The following VSTM1 variants were observed in gnomAD, a reference collection of about 807,000 sequenced individuals.
The protein encoded by VSTM1 is V-set and transmembrane domain containing 1.
VSTM1 carries 27 observed loss-of-function variants against 33.1 expected under a neutral mutation model. That is an observed-to-expected ratio of 0.82 (90% CI 0.60 to 1.12). VSTM1 has a LOEUF of 1.12. Among genes scored for constraint, VSTM1 ranks in the 50% most tolerant of loss-of-function variants. The pLI is 0.00. For synonymous variants in VSTM1, 115 were observed against 110.3 expected, an observed-to-expected ratio of 1.04 and a Z score of -0.27; for missense variants, 304 against 288.9, an observed-to-expected ratio of 1.05 and a Z score of -0.38.
intron 1 of VSTM1, among the ~76,000 whole-genome samples, chr19:54,061,016 C>CTTTTTTTTTTTTT (rs10693760): frequency 3.2e-4 from 37 of 115,014 alleles, no homozygotes; most frequent in Non-Finnish European, 5.7e-4. Flanking sequence ...TTTTTCTTTT[C>CTTTTTTTTTTTTT]TTTTTTTTTT....
chr19:54,051,589 T>C, intron 3 of VSTM1, 141 bp from the exon 4 acceptor site: 1 of 596,898 alleles, frequency 1.7e-6, no homozygotes. Context: ...CCCTAGATGC[T>C]CCCTGGGTCC....
At chr19:54,042,816 A>ATATG (rs1380089781) in intron 4 of VSTM1, among the ~76,000 whole-genome samples, 112 of 54,950 alleles carry the variant, frequency 2.0e-3, no homozygotes, top group South Asian at 4.5e-3. Context: ...GTATATATAT[A>ATATG]TATATATATA....
In VSTM1 at chr19:54,041,761, C is replaced by G; in HGVS notation, c.591+18G>C. On this transcript the variant is annotated intron_variant, in intron 8 of 8. Coordinates refer to ENST00000338372, the MANE Select transcript of VSTM1 (RefSeq NM_198481.4). ...TGGTGAGGGAGCTCTTGTGGGACTC[C>G]TAAGCGGGAGGACTCACCGAGAGAG... 6.2e-7 allele frequency: 1 copy of G among 1,611,948 alleles called. No homozygotes were observed. Among genetic ancestry groups the G allele is most frequent in the Admixed American group, 1.7e-5 (1 of 59,680 alleles).
intron 4 of VSTM1, among the ~76,000 whole-genome samples, chr19:54,044,140 G>A (rs1019885220): frequency 4.6e-5 from 7 of 152,132 alleles, no homozygotes; most frequent in Admixed American, 1.3e-4. Flanking sequence ...CATGGAAGGC[G>A]TTTAGAGTGG....
At chr19:54,063,020 C>T (rs984256310) in intron 1 of VSTM1, among the ~76,000 whole-genome samples, 3 of 152,178 alleles carry the variant, frequency 2.0e-5, no homozygotes, top group South Asian at 2.1e-4. Context: ...TAAAATCAGC[C>T]TAAGAATCGA....
chr19:54,062,985 A>G (rs547057185), intron 1 of VSTM1, among the ~76,000 whole-genome samples: 32 of 152,252 alleles, frequency 2.1e-4, no homozygotes, highest in Admixed American at 3.9e-4. Flanking sequence ...CTGTCTGAAT[A>G]CATCAGGTTC....
At chr19:54,048,938 G>C (rs2070722282) in intron 4 of VSTM1, among the ~76,000 whole-genome samples, 1 of 152,066 alleles carries the variant, frequency 6.6e-6, no homozygotes, top group Non-Finnish European at 1.5e-5. Flanking sequence ...ACACAAATTA[G>C]CTAGGCATGG....
rs548330152 is a variant in VSTM1, at chr19:54,056,859, CT to C, written c.355+1446del. On this transcript the variant is annotated intron_variant, in intron 3 of 8. Transcript: ENST00000338372. Reference sequence around the variant, plus strand: ...AGGTGTTGCATCTATCCTTCTTCTTCTTTTTTTTTTTTAGACGGAGTCTTGC... The same window carrying C: ...AGGTGTTGCATCTATCCTTCTTCTTCTTTTTTTTTTTAGACGGAGTCTTGC... Among the ~76,000 whole-genome samples, 338 of 129,694 alleles carry C rather than the reference CT, an allele frequency of 2.6e-3. 13 individuals are homozygous for C. The highest frequency in any genetic ancestry group is 0.015 in the Middle Eastern group (4 of 262). The allele number at this position is 129,694 out of a possible 152,430, so 85.1% of individuals were successfully genotyped here.
chr19:54,042,408 C>A (rs773346944), intron 4 of VSTM1, 39 bp from the exon 5 acceptor site: 1 of 1,601,462 alleles, frequency 6.2e-7, no homozygotes, highest in South Asian at 1.1e-5. Flanking sequence ...CAGCCTGGCT[C>A]CTGAAATCCA....
At chr19:54,052,334 C>G (rs1353056466) in intron 3 of VSTM1, among the ~76,000 whole-genome samples, 2,754 of 113,596 alleles carry the variant, frequency 0.024, 43 homozygotes, top group Non-Finnish European at 0.026. Context: ...GGAGGCGGAG[C>G]TTGCAGTGAG....
intron 4 of VSTM1, among the ~76,000 whole-genome samples, chr19:54,043,457 G>A (rs1409358819): frequency 2.0e-5 from 3 of 151,698 alleles, no homozygotes; most frequent in East Asian, 1.9e-4. Flanking sequence ...TATCGTCCAG[G>A]CTGGAGTGCA....
Position 54,063,818 on chromosome 19 carries a change from T to C in VSTM1, c.-41A>G, listed in dbSNP as rs370618448. The C allele has an allele frequency of 2.9e-5, 47 of 1,612,366 alleles. No individual in the cohort carries two copies. The African/African-American group carries it at 5.7e-4, about 20-fold the overall frequency. ...AGAACCAAGGCCCCGCCTTGGGTTTTACCCTTCAAAGGCGGAGCGGGACTG... is the reference window on the plus strand; with the variant it reads ...AGAACCAAGGCCCCGCCTTGGGTTTCACCCTTCAAAGGCGGAGCGGGACTG... On this transcript the variant is annotated 5_prime_UTR_variant, in exon 1 of 9. Coordinates refer to ENST00000338372, the MANE Select transcript of VSTM1 (RefSeq NM_198481.4).
chr19:54,060,148 G>C (rs116154077), intron 1 of VSTM1, among the ~76,000 whole-genome samples: 1 of 152,026 alleles, frequency 6.6e-6, no homozygotes, highest in African/African-American at 2.4e-5. Flanking sequence ...CACCGCGCCC[G>C]GCCGAGAGGA....
At chr19:54,041,271 C>T (rs375836856) in intron 8 of VSTM1, among the ~76,000 whole-genome samples, 191 bp from the exon 9 acceptor site, 15 of 152,064 alleles carry the variant, frequency 9.9e-5, no homozygotes, top group East Asian at 7.7e-4. Flanking sequence ...AATGGATCTG[C>T]GTAAGCCTTT....
intron 1 of VSTM1, among the ~76,000 whole-genome samples, chr19:54,062,200 G>T (rs1568485602): frequency 6.6e-6 from 1 of 151,984 alleles, no homozygotes; most frequent in Non-Finnish European, 1.5e-5. Context: ...CACTAGAAGA[G>T]GGGCATAAAA....
intron 1 of VSTM1, among the ~76,000 whole-genome samples, chr19:54,062,487 T>C (rs1245115287): frequency 6.6e-6 from 1 of 151,364 alleles, no homozygotes; most frequent in East Asian, 2.0e-4. Flanking sequence ...CTTTAGGAGG[T>C]TGAAGTGGGT....
At position 54,058,535 on chromosome 19, in the gene VSTM1, C is replaced by T; in HGVS notation, c.126G>A (p.Glu42=). Residue 42 remains glutamate, a synonymous_variant, in exon 3 of 9, where the codon GAG becomes GAA. Coordinates refer to ENST00000338372, the MANE Select transcript of VSTM1 (RefSeq NM_198481.4). The stretch of plus-strand genomic sequence containing the variant: ...CCTGACACTTCAGGGTCACATTGCT[C>T]TCGGCTTCAACCACCGAGCTGGGCC... ...HAWPSSVVEA[E]SNVTLKCQAH... The T allele has an allele frequency of 6.2e-7, 1 of 1,613,920 alleles. No individual in the cohort carries two copies. The highest frequency in any genetic ancestry group is 8.5e-7 in the Non-Finnish European group (1 of 1,180,012).
At chr19:54,045,786 T>C (rs2070551161) in intron 4 of VSTM1, among the ~76,000 whole-genome samples, 1 of 152,144 alleles carries the variant, frequency 6.6e-6, no homozygotes, top group Admixed American at 6.5e-5. Context: ...TATCTGTATA[T>C]CTATCTATCT....
rs535221975 is a variant in VSTM1, at chr19:54,046,942, T to G, written c.394+4468A>C. ...CAGGCGTGGTGGCTCACACCTGTAA[T>G]CCCAGCACTTTGGGAGGTCGAGGCA... On this transcript the variant is annotated intron_variant, in intron 4 of 8. Transcript: ENST00000338372. Among the ~76,000 whole-genome samples the G allele has an allele frequency of 4.8e-3, 738 of 152,232 alleles. 5 individuals are homozygous for G. The highest frequency in any genetic ancestry group is 0.017 in the African/African-American group (688 of 41,550).
Sources: gnomAD v4.1 joint callset for allele counts (sites outside exome capture counted in the v4.1 genomes callset) on GRCh38, gnomAD v4.1.1 for gene constraint, MANE v1.5 for transcripts, NCBI Gene and HGNC (gene_info 2026-07-23, HGNC 2026-07-21) for gene names.